Variants in NOS1 observed in about 807,000 individuals in gnomAD.
The protein encoded by NOS1 is NOS type I.
In NOS1, 51 loss-of-function variants were observed where a neutral mutation model predicts 164.5. The ratio of observed to expected loss-of-function variants is 0.31; its 90% confidence interval spans 0.25 to 0.39. The LOEUF is 0.39. NOS1 is among the 10% of genes least tolerant of loss of function. NOS1 has a pLI of 1.00. For synonymous variants in NOS1, 719 were observed against 745.8 expected (o/e 0.96, Z 0.59); for missense variants, 1,362 against 1,885.6 (o/e 0.72, Z 5.14).
rs1442422391 is a variant in NOS1, at chr12:117,210,883, C to T, written c.*4426G>A. ...CTGACTATCACATCAGCTCTGAAAA[C>T]TCATCTTTTCCCTGAGCCTGCTCTT... On this transcript the variant is annotated 3_prime_UTR_variant, in exon 29 of 29. Coordinates refer to ENST00000317775, the MANE Select transcript of NOS1 (RefSeq NM_000620.5). 2.5e-5 allele frequency: 25 copies of T among 985,428 alleles called. No individual in the cohort carries two copies. Among genetic ancestry groups the T allele is most frequent in the Non-Finnish European group, 2.9e-5 (24 of 829,934 alleles). The allele number at this position is 985,428 out of a possible 1,614,324, so 61.0% of individuals were successfully genotyped here.
At chr12:117,322,507 CCCTCCTTCCCCT>C (rs1380753541) in intron 2 of NOS1, among the ~76,000 whole-genome samples, 6 of 134,188 alleles carry the variant, frequency 4.5e-5, no homozygotes, top group African/African-American at 1.1e-4. Context: ...CTTCTTCCCT[CCCTCCTTCCCCT>C]CCTCCTTCCT....
At position 117,258,431 on chromosome 12, in the gene NOS1, T is replaced by A; in HGVS notation, c.2497A>T (p.Met833Leu). ...TCCTGCACAGAGTTGGGGTGCCTCA[T>A]TTCCATCAAAGCACAGCCGAATTTC... ...GEKFGCALME[M>L]RHPNSVQEER... The change falls in exon 16 of 29, where the codon ATG becomes TTG. Residue 833 changes from methionine (M) to leucine (L), a missense_variant. Coordinates refer to ENST00000317775, the MANE Select transcript of NOS1 (RefSeq NM_000620.5). The A allele has an allele frequency of 6.2e-7, 1 of 1,614,168 alleles. No homozygotes were observed. The highest frequency in any genetic ancestry group is 8.5e-7 in the Non-Finnish European group (1 of 1,180,024).
In NOS1 at chr12:117,220,098, C is replaced by G; in HGVS notation, c.4147G>C (p.Gly1383Arg). The change falls in exon 27 of 29, where the codon GGC becomes CGC. Residue 1383 changes from glycine to arginine, a missense_variant. Coordinates refer to ENST00000317775, the MANE Select transcript of NOS1 (RefSeq NM_000620.5). ...QQGKLSAEDA[G>R]VFISRMRDDN... is the part of the protein sequence containing the mutation. ...ACCCTCATCCGGCTGATGAATACGC[C>G]GGCGTCCTCTGCCGAGAGCTTCCCC... The G allele has an allele frequency of 1.2e-6, 2 of 1,611,392 alleles. No homozygotes were observed. The highest frequency in any genetic ancestry group is 1.7e-6 in the Non-Finnish European group (2 of 1,178,750).
At chr12:117,292,874 C>T (rs749596320) in intron 3 of NOS1, among the ~76,000 whole-genome samples, 1 of 152,120 alleles carries the variant, frequency 6.6e-6, no homozygotes, top group African/African-American at 2.4e-5. Flanking sequence ...TAGGGGGTGA[C>T]GAAAACTGAA....
chr12:117,221,119 G>C (rs1009535934), intron 26 of NOS1, among the ~76,000 whole-genome samples: 1 of 145,106 alleles, frequency 6.9e-6, no homozygotes, highest in Non-Finnish European at 1.5e-5. Flanking sequence ...CTTATGGGCT[G>C]TTAAATTTAT....
Position 117,208,207 on chromosome 12 carries a change from A to T in NOS1, c.*7102T>A. The T allele has an allele frequency of 8.8e-7, 1 of 1,139,366 alleles. No individual in the cohort carries two copies. Among genetic ancestry groups the T allele is most frequent in the South Asian group, 1.5e-5 (1 of 68,516 alleles). The allele number at this position is 1,139,366 out of a possible 1,614,324, so 70.6% of individuals were successfully genotyped here. A position where few individuals can be genotyped will look rare whatever the true frequency, so the allele number is the denominator to read the frequency against. ...GCATAATAGGCTTTTGTTGAATCCC[A>T]TAAAATTGGAAGATGAGAACTATAC... On this transcript the variant is annotated 3_prime_UTR_variant, in exon 29 of 29. Coordinates refer to ENST00000317775, the MANE Select transcript of NOS1 (RefSeq NM_000620.5).
rs1171341193 is a variant in NOS1 at position 117,272,172 on chromosome 12, CGTGCTAT to C, written c.1839+206_1839+212del. Among the ~76,000 whole-genome samples the C allele has an allele frequency of 3.3e-5, 5 of 152,150 alleles. No homozygotes were observed. Among genetic ancestry groups the C allele is most frequent in the Non-Finnish European group, 5.9e-5 (4 of 68,028 alleles). Reference sequence around the variant, plus strand: ...AACAGTGCTTCGGATGCTGTTAGCACGTGCTATGTGCTATGTGCGTGTTTGCTGTTAT... The same window carrying C: ...AACAGTGCTTCGGATGCTGTTAGCACGTGCTATGTGCGTGTTTGCTGTTAT... On this transcript the variant is annotated intron_variant, in intron 10 of 28. Transcript: ENST00000317775. This position sits in a 1 kb window ranked among gnomAD's most constrained non-coding sequence, Gnocchi z 4.3.
intron 22 of NOS1, among the ~76,000 whole-genome samples, chr12:117,230,506 A>G (rs1869121745): frequency 6.6e-6 from 1 of 152,146 alleles, no homozygotes; most frequent in African/African-American, 2.4e-5. Context: ...GCACTCGCTA[A>G]TTAGCCTCTT....
At chr12:117,287,627 T>G (rs1872796552) in intron 5 of NOS1, among the ~76,000 whole-genome samples, 1 of 152,142 alleles carries the variant, frequency 6.6e-6, no homozygotes, top group African/African-American at 2.4e-5. Context: ...TTAGTAGAGG[T>G]AAGATTTCAC....
chr12:117,215,398 A>C, intron 28 of NOS1, 74 bp from the exon 29 acceptor site: 1 of 1,429,040 alleles, frequency 7.0e-7, no homozygotes, highest in Non-Finnish European at 9.2e-7. Flanking sequence ...TGCCCCAGAG[A>C]AAATCACCCA....
At position 117,216,481 on chromosome 12, in the gene NOS1, C is replaced by CT. The variant is rs996118607; in HGVS notation, c.4290-1158dup. On this transcript the variant is annotated intron_variant, in intron 28 of 28. Transcript: ENST00000317775. Reference sequence around the variant, plus strand: ...ACAGGGGTGAGCCATCGCGCCCGGCCTTTTTTTTTCTCTTGAGATAGGGTC... The same window carrying CT: ...ACAGGGGTGAGCCATCGCGCCCGGCCTTTTTTTTTTCTCTTGAGATAGGGTC... 5.3e-5 allele frequency among the ~76,000 whole-genome samples: 8 copies of CT among 150,900 alleles called. No individual in the cohort carries two copies. The East Asian group carries it at 5.8e-4, about 11-fold the overall frequency.
chr12:117,232,504 T>C (rs1869329777), intron 21 of NOS1, among the ~76,000 whole-genome samples: 1 of 152,230 alleles, frequency 6.6e-6, no homozygotes, highest in Non-Finnish European at 1.5e-5. Context: ...CTGAATGGGA[T>C]GTTAGTGTTG....
In NOS1 at chr12:117,330,805, A is replaced by C; in HGVS notation, c.265T>G (p.Ser89Ala). The change falls in exon 2 of 29, where the codon TCT (serine) becomes GCT (alanine). Residue 89 changes from serine (S) to alanine (A), a missense_variant. By Grantham distance (99) the Ser-to-Ala change is moderately conservative. Around this residue, in one of 4 missense-constraint regions of NOS1, gnomAD observed 362 missense variants for 402.0 expected, o/e 0.90. Coordinates refer to ENST00000317775, the MANE Select transcript of NOS1 (RefSeq NM_000620.5). This position sits in a 1 kb window ranked among gnomAD's most constrained non-coding sequence, Gnocchi z 4.6. ...SALEVLRGIASETHVVLILRG... is the reference protein window; with the variant it reads ...SALEVLRGIAAETHVVLILRG... Reference sequence around the variant, plus strand: ...AGAATGAGGACCACGTGGGTCTCAGAGGCAATGCCTCTGAGTACCTCCAGG... The same window carrying C: ...AGAATGAGGACCACGTGGGTCTCAGCGGCAATGCCTCTGAGTACCTCCAGG... 6.2e-7 allele frequency: 1 copy of C among 1,613,992 alleles called. No individual in the cohort carries two copies. Among genetic ancestry groups the C allele is most frequent in the Non-Finnish European group, 8.5e-7 (1 of 1,179,988 alleles).
chr12:117,296,042 T>C (rs1300083408), intron 3 of NOS1, among the ~76,000 whole-genome samples: 1 of 152,152 alleles, frequency 6.6e-6, no homozygotes, highest in African/African-American at 2.4e-5. Flanking sequence ...CATGAGCATA[T>C]ATGTACCTGG....
chr12:117,319,195 GCATGCACCAC>G (rs1874798784), intron 2 of NOS1, among the ~76,000 whole-genome samples: 1 of 151,940 alleles, frequency 6.6e-6, no homozygotes, highest in South Asian at 2.1e-4. Flanking sequence ...GGGATTATAG[GCATGCACCAC>G]CATCCCTGAC....
At chr12:117,240,890 A>G (rs192462333) in intron 20 of NOS1, among the ~76,000 whole-genome samples, 94 of 152,132 alleles carry the variant, frequency 6.2e-4, no homozygotes, top group Non-Finnish European at 1.1e-3. Context: ...AAATTGATCA[A>G]ACCGGCTCTG....
At chr12:117,266,678 C>A (rs369163408) in intron 11 of NOS1, among the ~76,000 whole-genome samples, 3 of 151,994 alleles carry the variant, frequency 2.0e-5, no homozygotes, top group African/African-American at 7.3e-5. Flanking sequence ...GCTGGGATTA[C>A]AGGCACATGC....
At chr12:117,355,304 C>A (rs1360682356) in intron 1 of NOS1, among the ~76,000 whole-genome samples, 3 of 152,200 alleles carry the variant, frequency 2.0e-5, no homozygotes, top group Admixed American at 6.5e-5. Context: ...TATTTTCCAC[C>A]TGAATAGGGC....
At chr12:117,292,363 G>A (rs1270231237) in intron 3 of NOS1, among the ~76,000 whole-genome samples, 1 of 152,130 alleles carries the variant, frequency 6.6e-6, no homozygotes, top group East Asian at 1.9e-4. Flanking sequence ...TGTGGCTGGA[G>A]TGTATGCATG....
Sources: gnomAD v4.1 joint callset for allele counts (sites outside exome capture counted in the v4.1 genomes callset) on GRCh38, gnomAD v4.1.1 for gene constraint, gnomAD v4.1.1 regional missense constraint, Gnocchi (gnomAD v3.1) non-coding constraint, MANE v1.5 for transcripts, NCBI Gene and HGNC (gene_info 2026-07-23, HGNC 2026-07-21) for gene names.